PALM2AKAP2: variants seen among roughly 807,000 people sequenced by gnomAD.
PALM2AKAP2 encodes PALM2-AKAP2 fusion protein.
A neutral mutation model predicts 71.5 loss-of-function variants in PALM2AKAP2; 37 were observed. The observed-to-expected ratio is 0.52, with a 90% CI of 0.40 to 0.68. The LOEUF is 0.68. Ranked by LOEUF, PALM2AKAP2 falls within the 30% of genes least tolerant of loss-of-function variation. The probability of loss-of-function intolerance (pLI) is 0.00; values close to 1 mark genes in which losing one functional copy is unlikely to be tolerated. For missense variants in PALM2AKAP2, 1,224 were observed against 1,191.8 expected, an observed-to-expected ratio of 1.03 and a Z score of -0.40; for synonymous variants, 468 against 478.8, an observed-to-expected ratio of 0.98 and a Z score of 0.29.
chr9:109,973,884 C>T (rs928889511), intron 6 of PALM2AKAP2, among the ~76,000 whole-genome samples: 2 of 152,168 alleles, frequency 1.3e-5, no homozygotes, highest in Non-Finnish European at 2.9e-5. Flanking sequence ...CTTGAGGACT[C>T]ATTTTCATAT....
Position 110,004,335 on chromosome 9 carries a change from T to C in PALM2AKAP2, c.497-11619T>C, listed in dbSNP as rs562547066. ...AAATTCTGGGTTGAAAATTCTTTCC[T>C]TTAAGAATGTTGAATATTGGCCCCC... On this transcript the variant is annotated intron_variant, in intron 6 of 9. Coordinates refer to the PALM2AKAP2 transcript ENST00000302798. Among the ~76,000 whole-genome samples the C allele has an allele frequency of 4.7e-4, 72 of 152,348 alleles. No individual in the cohort carries two copies. The East Asian group carries it at 0.013, about 28-fold the overall frequency.
chr9:109,966,214 G>A (rs1040256556), intron 6 of PALM2AKAP2, among the ~76,000 whole-genome samples: 6 of 152,254 alleles, frequency 3.9e-5, no homozygotes, highest in Middle Eastern at 3.4e-3. Flanking sequence ...ATTGAATGGT[G>A]CCATACCAGA....
rs74998255 is a variant in PALM2AKAP2 at position 110,029,530 on chromosome 9, G to T, written c.582+13491G>T. On this transcript the variant is annotated intron_variant, in intron 7 of 9. Coordinates refer to the PALM2AKAP2 transcript ENST00000302798. ...TTCTATGCACATTTTGAACATTCCA[G>T]CAGTGAGAATGACTAATGATGCTAA... Among the ~76,000 whole-genome samples the T allele has an allele frequency of 2.4e-4, 37 of 152,270 alleles. 1 individual carries two copies. In the East Asian group the frequency reaches 6.9e-3, roughly 29 times the overall value.
intron 6 of PALM2AKAP2, among the ~76,000 whole-genome samples, chr9:109,952,289 T>C (rs537303011): frequency 1.6e-4 from 24 of 152,216 alleles, no homozygotes; most frequent in African/African-American, 5.8e-4. Flanking sequence ...CCATAGTAAG[T>C]GCTCCAAAAA....
At chr9:109,918,403 T>C (rs929091385) in intron 3 of PALM2AKAP2, among the ~76,000 whole-genome samples, 1 of 152,204 alleles carries the variant, frequency 6.6e-6, no homozygotes, top group Non-Finnish European at 1.5e-5. Flanking sequence ...ACAGCTGCAG[T>C]GTGTCACCTT....
intron 6 of PALM2AKAP2, among the ~76,000 whole-genome samples, chr9:109,998,789 A>C (rs373831688): frequency 4.5e-5 from 6 of 133,220 alleles, no homozygotes; most frequent in African/African-American, 1.5e-4. Flanking sequence ...AAAAGGGGGG[A>C]TAGTCCATTC....
At chr9:110,074,757 C>T (rs1202759285) in intron 1 of PALM2AKAP2, among the ~76,000 whole-genome samples, 2 of 152,010 alleles carry the variant, frequency 1.3e-5, no homozygotes, top group African/African-American at 2.4e-5. Context: ...AATCCCAGCA[C>T]ATTGGGAGGC....
chr9:109,955,416 G>A (rs1831727901), intron 6 of PALM2AKAP2, among the ~76,000 whole-genome samples: 3 of 152,312 alleles, frequency 2.0e-5, no homozygotes, highest in South Asian at 2.1e-4. Flanking sequence ...AGGGTATCCT[G>A]TGTTTCATGG....
chr9:109,763,164 G>T (rs779572409), intron 1 of PALM2AKAP2, among the ~76,000 whole-genome samples: 3 of 152,098 alleles, frequency 2.0e-5, no homozygotes, highest in Non-Finnish European at 4.4e-5. Context: ...TATCCCGGGG[G>T]TCACTGTGGC....
chr9:109,901,762 G>A (rs189783554), intron 3 of PALM2AKAP2, among the ~76,000 whole-genome samples: 1 of 152,280 alleles, frequency 6.6e-6, no homozygotes, highest in Non-Finnish European at 1.5e-5. Flanking sequence ...GAACCAGCTG[G>A]GCAGGCCACT....
intron 1 of PALM2AKAP2, among the ~76,000 whole-genome samples, chr9:109,829,884 A>G (rs1346445005): frequency 1.3e-5 from 2 of 152,154 alleles, no homozygotes; most frequent in Admixed American, 6.6e-5. Context: ...ACCTGAGTTC[A>G]GTTAGGAAGA....
intron 1 of PALM2AKAP2, among the ~76,000 whole-genome samples, chr9:110,070,581 AAG>A (rs1278970312): frequency 6.6e-6 from 1 of 152,202 alleles, no homozygotes; most frequent in Non-Finnish European, 1.5e-5. Context: ...CAATTGTGAT[AAG>A]CTGGGTATTG....
chr9:110,053,468 C>T (rs1833753992), intron 1 of PALM2AKAP2, among the ~76,000 whole-genome samples: 2 of 128,866 alleles, frequency 1.6e-5, no homozygotes, highest in Non-Finnish European at 3.1e-5. Context: ...GCAGAGGTTG[C>T]AGTGAGCCGA....
At chr9:110,166,960 A>G (rs996235328) in intron 3 of PALM2AKAP2, among the ~76,000 whole-genome samples, 7 of 152,214 alleles carry the variant, frequency 4.6e-5, no homozygotes, top group African/African-American at 1.7e-4. Context: ...TAATGGACTC[A>G]CAGTTCCACA....
rs111932581 is a variant in PALM2AKAP2, at chr9:110,098,864, A to G, written c.157-37263A>G. Among the ~76,000 whole-genome samples, 674 of 152,346 alleles carry G rather than the reference A, an allele frequency of 4.4e-3. 2 individuals are homozygous for G. The highest frequency in any genetic ancestry group is 0.015 in the African/African-American group (631 of 41,582). ...ATTTTCGAAGACTTCAGACAAATAT[A>G]TCACAAATAACCTATATAAATTCAC... On this transcript the variant is annotated intron_variant, in intron 1 of 3. Coordinates refer to ENST00000374525, the Ensembl canonical transcript of PALM2AKAP2.
rs374062725 is a variant in PALM2AKAP2 at position 109,720,654 on chromosome 9, G to C, written c.6-59834G>C. Among the ~76,000 whole-genome samples the C allele has an allele frequency of 1.5e-3, 232 of 152,304 alleles. 7 individuals carry two copies. In the South Asian group the frequency reaches 0.047, roughly 31 times the overall value. Reference sequence around the variant, plus strand: ...GCAAAATCTATAGGGTTCATTTACAGCTACTTACACAGTGATTTAAAGTCA... The same window carrying C: ...GCAAAATCTATAGGGTTCATTTACACCTACTTACACAGTGATTTAAAGTCA... On this transcript the variant is annotated intron_variant, in intron 1 of 6. Coordinates refer to the PALM2AKAP2 transcript ENST00000374531.
chr9:109,922,157 C>T lies in PALM2AKAP2; in HGVS notation c.258-1578C>T, dbSNP rs565337725. ...AAAGAGGGCCAGGCACGGTGGCTCA[C>T]GCCTGTAGTCTCAGCACTTTGGGAG... On this transcript the variant is annotated intron_variant, in intron 3 of 9. Transcript: ENST00000302798. Among the ~76,000 whole-genome samples, 5 of 152,010 alleles carry T rather than the reference C, an allele frequency of 3.3e-5. No individual in the cohort carries two copies. In the South Asian group the frequency reaches 8.3e-4, roughly 25 times the overall value.
chr9:110,008,424 T>G (rs1267137058), intron 6 of PALM2AKAP2, among the ~76,000 whole-genome samples: 5 of 150,524 alleles, frequency 3.3e-5, no homozygotes, highest in Admixed American at 3.3e-4. Flanking sequence ...AAATTAATAA[T>G]AATTATTATA....
At chr9:110,091,387 G>A (rs964407116) in intron 1 of PALM2AKAP2, among the ~76,000 whole-genome samples, 5 of 143,896 alleles carry the variant, frequency 3.5e-5, no homozygotes. Context: ...TTGCTTTTCT[G>A]ATCCTTGGTG....
Sources: allele counts gnomAD v4.1 joint callset (sites outside exome capture counted in the v4.1 genomes callset), GRCh38; gene constraint gnomAD v4.1.1; transcripts MANE v1.5; gene names NCBI Gene and HGNC (gene_info 2026-07-23, HGNC 2026-07-21).